Variants in WWOX observed in about 807,000 individuals in gnomAD.
WWOX encodes WW domain-containing oxidoreductase.
Under a neutral mutation model 46.2 loss-of-function variants are expected in WWOX, and 69 were observed. That is an observed-to-expected ratio of 1.49 (90% CI 1.23 to 1.82). The LOEUF (loss-of-function observed/expected upper bound fraction) is 1.82. Ranked by LOEUF, WWOX falls within the 40% of genes most tolerant of loss-of-function variation. WWOX has a pLI of 0.00. For synonymous variants in WWOX, 359 were observed against 202.6 expected, an observed-to-expected ratio of 1.77 and a Z score of -6.56; for missense variants, 919 against 542.6, an observed-to-expected ratio of 1.69 and a Z score of -6.89.
chr16:78,654,185 G>T (rs1208648723), intron 8 of WWOX, among the ~76,000 whole-genome samples: 1 of 152,172 alleles, frequency 6.6e-6, no homozygotes, highest in Non-Finnish European at 1.5e-5. Flanking sequence ...ATTGCCTTCG[G>T]CTCTTCACCT....
At chr16:79,154,109 A>G (rs781477540) in intron 8 of WWOX, among the ~76,000 whole-genome samples, 1 of 152,220 alleles carries the variant, frequency 6.6e-6, no homozygotes, top group Non-Finnish European at 1.5e-5. Flanking sequence ...AGTCTTTTAA[A>G]AACAAGTTCT....
At chr16:79,107,621 T>G (rs1465819523) in intron 8 of WWOX, among the ~76,000 whole-genome samples, 2 of 152,204 alleles carry the variant, frequency 1.3e-5, no homozygotes, top group Non-Finnish European at 2.9e-5. Flanking sequence ...TCTGCAGATC[T>G]CCACTGAAAC....
intron 5 of WWOX, among the ~76,000 whole-genome samples, chr16:78,321,372 GTATATATGCGTA>G (rs567710038): frequency 0.013 from 542 of 43,234 alleles, 4 homozygotes; most frequent in Non-Finnish European, 0.017. Flanking sequence ...ATATATATAC[GTATATATGCGTA>G]TATATATACG....
At chr16:79,045,601 T>C (rs990451662) in intron 8 of WWOX, among the ~76,000 whole-genome samples, 3 of 151,984 alleles carry the variant, frequency 2.0e-5, no homozygotes, top group African/African-American at 7.2e-5. Context: ...CTGATGCACA[T>C]CAGCTATCAA....
chr16:79,175,814 G>A (rs924035279), intron 8 of WWOX, among the ~76,000 whole-genome samples: 2 of 152,030 alleles, frequency 1.3e-5, no homozygotes, highest in African/African-American at 4.8e-5. Flanking sequence ...TGCCCTTTTT[G>A]TCTCACTCCT....
intron 8 of WWOX, among the ~76,000 whole-genome samples, chr16:78,843,364 C>T (rs879417475): frequency 2.0e-5 from 3 of 150,074 alleles, no homozygotes; most frequent in Admixed American, 6.7e-5. Context: ...ATCTGGAAAA[C>T]GATTATTGTG....
chr16:78,582,606 A>G (rs1027209207), intron 8 of WWOX, among the ~76,000 whole-genome samples: 4 of 152,342 alleles, frequency 2.6e-5, no homozygotes, highest in Admixed American at 1.3e-4. Flanking sequence ...CAAAACTGTC[A>G]TCAGTCTATT....
At chr16:78,657,091 A>G (rs1125668) in intron 8 of WWOX, among the ~76,000 whole-genome samples, 68,532 of 151,910 alleles carry the variant, frequency 0.45, 18,395 homozygotes, top group Admixed American at 0.62. Context: ...CATTCATGCA[A>G]TTGCGCAATT....
chr16:78,825,938 C>A, intron 8 of WWOX: 1 of 811,550 alleles, frequency 1.2e-6, no homozygotes, highest in Non-Finnish European at 2.0e-6. Context: ...GCCCACCACT[C>A]CCATCTCAGA....
At chr16:78,854,660 A>C (rs1201774350) in intron 8 of WWOX, among the ~76,000 whole-genome samples, 1 of 152,172 alleles carries the variant, frequency 6.6e-6, no homozygotes, top group Non-Finnish European at 1.5e-5. Context: ...AGCTGACTGC[A>C]ACCTCCGCCT....
chr16:78,257,747 C>G (rs1305736401), intron 5 of WWOX, among the ~76,000 whole-genome samples: 5 of 152,202 alleles, frequency 3.3e-5, no homozygotes, highest in African/African-American at 9.7e-5. Flanking sequence ...ACGATTATCA[C>G]TCATGCTCTG....
chr16:78,593,695 C>T (rs570993316), intron 8 of WWOX, among the ~76,000 whole-genome samples: 4 of 149,998 alleles, frequency 2.7e-5, no homozygotes, highest in African/African-American at 7.4e-5. Context: ...ATCTTCCCAG[C>T]GTACAACAGA....
intron 8 of WWOX, among the ~76,000 whole-genome samples, chr16:79,052,187 C>G (rs2083156073): frequency 6.6e-6 from 1 of 151,846 alleles, no homozygotes; most frequent in South Asian, 2.1e-4. Flanking sequence ...TATCCCTCCC[C>G]CTTCCCCCCA....
rs189470948 is a variant in WWOX, at chr16:78,350,416, C to T, written c.517-36444C>T. On this transcript the variant is annotated intron_variant, in intron 5 of 8. Coordinates refer to ENST00000566780, the MANE Select transcript of WWOX (RefSeq NM_016373.4). ...ATATTTTCATTTTCCCAAAAAGAAA[C>T]CCTTGACTGGCATCCTTTTCCCCAC... Among the ~76,000 whole-genome samples, 137 of 121,134 alleles carry T rather than the reference C, an allele frequency of 1.1e-3. 33 individuals carry two copies. Among genetic ancestry groups the T allele is most frequent in the African/African-American group, 3.7e-3 (133 of 35,828 alleles). 79.5% of individuals were successfully genotyped at this position (121,134 alleles called of 152,430 possible). A position where few individuals can be genotyped will look rare whatever the true frequency, so the allele number is the denominator to read the frequency against.
Position 78,712,062 on chromosome 16 carries a change from T to C in WWOX, c.1056+279310T>C, listed in dbSNP as rs1406737530. On this transcript the variant is annotated intron_variant, in intron 8 of 8. Transcript: ENST00000566780. ...TGAGCTCTTGGTCTCCTATATCTTA[T>C]ATTCATTATAGATGTCTTATATCCA... is the stretch of plus-strand genomic sequence containing the variant. 1.3e-5 allele frequency among the ~76,000 whole-genome samples: 2 copies of C among 152,182 alleles called. 1 individual carries two copies. Among genetic ancestry groups the C allele is most frequent in the Admixed American group, 1.3e-4 (2 of 15,278 alleles).
chr16:79,161,646 C>T (rs2050488937), intron 8 of WWOX, among the ~76,000 whole-genome samples: 1 of 152,138 alleles, frequency 6.6e-6, no homozygotes, highest in Non-Finnish European at 1.5e-5. Context: ...CCTCAGCTTC[C>T]CGAGTAGCTG....
At chr16:78,153,975 G>T (rs1422253108) in intron 4 of WWOX, among the ~76,000 whole-genome samples, 5 of 152,060 alleles carry the variant, frequency 3.3e-5, no homozygotes, top group Non-Finnish European at 7.4e-5. Flanking sequence ...TGTGCCTGAG[G>T]ATTCTGTGGG....
intron 5 of WWOX, among the ~76,000 whole-genome samples, chr16:78,240,624 A>T (rs1264990870): frequency 6.6e-6 from 1 of 152,172 alleles, no homozygotes; most frequent in African/African-American, 2.4e-5. Flanking sequence ...GGAACTTCAC[A>T]GGGTCTTTGT....
intron 8 of WWOX, chr16:78,873,562 G>C (rs1183663161): frequency 5.9e-5 from 9 of 152,136 alleles, no homozygotes; most frequent in Admixed American, 3.9e-4. Context: ...TGAGGTGGGA[G>C]GATTAATTGG....
Sources: allele counts gnomAD v4.1 joint callset (sites outside exome capture counted in the v4.1 genomes callset), GRCh38; gene constraint gnomAD v4.1.1; transcripts MANE v1.5; gene names NCBI Gene and HGNC (gene_info 2026-07-23, HGNC 2026-07-21).